SNTB1: variants seen among roughly 807,000 people sequenced by gnomAD.
SNTB1 encodes the protein beta-1-syntrophin.
In SNTB1, 36 loss-of-function variants were observed where a neutral mutation model predicts 48.9. That is an observed-to-expected ratio of 0.74 (90% CI 0.56 to 0.97). The LOEUF is 0.97. Ranked by LOEUF, SNTB1 falls within the 50% of genes least tolerant of loss-of-function variation. SNTB1 has a pLI of 0.00. For synonymous variants in SNTB1, 299 were observed against 294.6 expected, an observed-to-expected ratio of 1.01 and a Z score of -0.15; for missense variants, 786 against 703.4, an observed-to-expected ratio of 1.12 and a Z score of -1.33.
intron 3 of SNTB1, 66 bp downstream of exon 3, chr8:120,632,378 A>T: frequency 1.4e-6 from 2 of 1,391,928 alleles, no homozygotes; most frequent in Non-Finnish European, 2.0e-6. Context: ...AGATAGTTTT[A>T]GTGGTTATGA....
intron 1 of SNTB1, among the ~76,000 whole-genome samples, chr8:120,749,678 C>T: frequency 6.6e-6 from 1 of 152,110 alleles, no homozygotes; most frequent in African/African-American, 2.4e-5. Flanking sequence ...CTGAAACAGA[C>T]TCAGGGGAAG....
chr8:120,641,658 C>T (rs1817198480), intron 2 of SNTB1, among the ~76,000 whole-genome samples: 1 of 152,154 alleles, frequency 6.6e-6, no homozygotes, highest in Non-Finnish European at 1.5e-5. Flanking sequence ...GTGTAACATA[C>T]AGACGGAAAA....
intron 1 of SNTB1, among the ~76,000 whole-genome samples, chr8:120,788,417 T>C (rs979368481): frequency 1.3e-5 from 2 of 152,126 alleles, no homozygotes; most frequent in Non-Finnish European, 2.9e-5. Flanking sequence ...ATGGTCTAAA[T>C]GGTCCAATTA....
chr8:120,803,522 G>T (rs186967948), intron 1 of SNTB1, among the ~76,000 whole-genome samples: 1 of 152,284 alleles, frequency 6.6e-6, no homozygotes, highest in East Asian at 1.9e-4. Flanking sequence ...ATTTGAAATG[G>T]AACGCTTAGT....
intron 1 of SNTB1, among the ~76,000 whole-genome samples, chr8:120,766,614 T>G (rs1442881058): frequency 6.6e-6 from 1 of 152,200 alleles, no homozygotes; most frequent in African/African-American, 2.4e-5. Flanking sequence ...AATTATATAT[T>G]GGCAATACCA....
chr8:120,655,180 A>C (rs1201095052), intron 2 of SNTB1: 2 of 248,138 alleles, frequency 8.1e-6, no homozygotes. Context: ...TAGAAAACTT[A>C]AAAAAAAGAA....
intron 1 of SNTB1, among the ~76,000 whole-genome samples, chr8:120,699,095 G>T (rs550132397): frequency 6.6e-6 from 1 of 152,308 alleles, no homozygotes; most frequent in East Asian, 1.9e-4. Flanking sequence ...CTTCCTGACT[G>T]CTCTGTATCC....
chr8:120,647,037 C>G (rs1428840373), intron 2 of SNTB1, among the ~76,000 whole-genome samples: 1 of 148,780 alleles, frequency 6.7e-6, no homozygotes, highest in Non-Finnish European at 1.5e-5. Flanking sequence ...TTTATTGCGT[C>G]TATTTGATTC....
intron 2 of SNTB1, among the ~76,000 whole-genome samples, chr8:120,688,409 G>A (rs1347105752): frequency 2.0e-5 from 3 of 152,066 alleles, no homozygotes; most frequent in Non-Finnish European, 2.9e-5. Context: ...TATGAAAAGC[G>A]AGCAGATAAA....
intron 1 of SNTB1, among the ~76,000 whole-genome samples, chr8:120,802,450 C>T (rs922164197): frequency 2.0e-5 from 3 of 152,112 alleles, no homozygotes; most frequent in Non-Finnish European, 4.4e-5. Flanking sequence ...CCAAAACCCA[C>T]AGCAGCCTAC....
intron 5 of SNTB1, among the ~76,000 whole-genome samples, chr8:120,545,349 CA>C (rs956595149): frequency 6.6e-6 from 1 of 151,650 alleles, no homozygotes; most frequent in African/African-American, 2.4e-5. Context: ...CGTTTCAAAA[CA>C]AAAAAAGAGT....
In SNTB1 at chr8:120,548,894, G is replaced by T. The variant is rs61752911; in HGVS notation, c.1201C>A (p.Arg401=). The T allele has an allele frequency of 2.1e-4, 337 of 1,612,382 alleles. 2 individuals are homozygous for T. Among genetic ancestry groups the T allele is most frequent in the Admixed American group, 6.7e-5 (4 of 59,890 alleles). The change falls in exon 5 of 7, where the codon CGA becomes AGA. Residue 401 remains arginine, a synonymous_variant. Transcript: ENST00000517992. ...QAGVDLSFAT[R]TGTRQGIETH... ...TCAATCCCTTGCCTGGTACCAGTTC[G>T]CGTTGCAAAGGACAGATCCACACCA...
At chr8:120,717,365 G>A (rs1371408172) in intron 1 of SNTB1, among the ~76,000 whole-genome samples, 1 of 152,188 alleles carries the variant, frequency 6.6e-6, no homozygotes, top group Non-Finnish European at 1.5e-5. Context: ...TGCACGAGTC[G>A]AGAGCTAGAA....
intron 1 of SNTB1, among the ~76,000 whole-genome samples, chr8:120,800,031 A>C (rs1820195778): frequency 6.6e-6 from 1 of 152,098 alleles, no homozygotes. Flanking sequence ...GGAATGTAGC[A>C]ATCTTATGTT....
intron 3 of SNTB1, among the ~76,000 whole-genome samples, chr8:120,585,543 T>A (rs777506772): frequency 2.0e-5 from 3 of 152,252 alleles, no homozygotes; most frequent in Non-Finnish European, 4.4e-5. Context: ...TCATAACCGT[T>A]AATATGTTGT....
intron 2 of SNTB1, among the ~76,000 whole-genome samples, chr8:120,673,580 T>G (rs906449957): frequency 6.6e-6 from 1 of 152,110 alleles, no homozygotes; most frequent in Non-Finnish European, 1.5e-5. Flanking sequence ...CGTAAGCTGC[T>G]GCACCCAGCT....
At position 120,587,162 on chromosome 8, in the gene SNTB1, G is replaced by A. The variant is rs563238983; in HGVS notation, c.997-11937C>T. ...CTTGAATCCAGGAGGTGGAGGTTGC[G>A]GTGAGCCGAGATCGCACCACTGCAC... is the stretch of plus-strand genomic sequence containing the variant. On this transcript the variant is annotated intron_variant, in intron 3 of 6. Transcript: ENST00000517992. Among the ~76,000 whole-genome samples, 98 of 152,172 alleles carry A rather than the reference G, an allele frequency of 6.4e-4. 1 individual carries two copies. Among genetic ancestry groups the A allele is most frequent in the African/African-American group, 2.3e-3 (94 of 41,536 alleles).
intron 1 of SNTB1, among the ~76,000 whole-genome samples, chr8:120,788,220 T>A (rs1050118662): frequency 6.6e-6 from 1 of 152,126 alleles, no homozygotes; most frequent in African/African-American, 2.4e-5. Flanking sequence ...CAAGAAATAC[T>A]AAAAGGAGTT....
At chr8:120,633,180 A>G (rs1817012149) in intron 2 of SNTB1, among the ~76,000 whole-genome samples, 1 of 152,186 alleles carries the variant, frequency 6.6e-6, no homozygotes, top group African/African-American at 2.4e-5. Context: ...AAGATGACCA[A>G]ACTTTGCATC....
Sources: gnomAD v4.1 joint callset for allele counts (sites outside exome capture counted in the v4.1 genomes callset) on GRCh38, gnomAD v4.1.1 for gene constraint, MANE v1.5 for transcripts, NCBI Gene and HGNC (gene_info 2026-07-23, HGNC 2026-07-21) for gene names.